Variants in IQCH observed in about 807,000 individuals in gnomAD.
The protein encoded by IQCH is IQ motif containing H.
In IQCH, 98 loss-of-function variants were observed where a neutral mutation model predicts 117.0. The observed-to-expected ratio is 0.84, with a 90% CI of 0.71 to 0.99. The LOEUF is 0.99. IQCH is among the 50% of genes least tolerant of loss of function. The pLI is 0.00. For synonymous variants in IQCH, 412 were observed against 448.2 expected, an observed-to-expected ratio of 0.92 and a Z score of 1.02; for missense variants, 1,102 against 1,243.8, an observed-to-expected ratio of 0.89 and a Z score of 1.72.
chr15:67,263,167 A>T lies in IQCH; in HGVS notation c.220A>T (p.Thr74Ser), dbSNP rs1965528449. 3 of 1,585,754 alleles carry T rather than the reference A, an allele frequency of 1.9e-6. No individual in the cohort carries two copies. Among genetic ancestry groups the T allele is most frequent in the African/African-American group, 2.7e-5 (2 of 74,528 alleles). Residue 74 changes from threonine to serine, a missense_variant, in exon 3 of 21, where the codon ACG (threonine) becomes TCG (serine). By Grantham distance (58) the Thr-to-Ser change is moderately conservative. This residue lies in a region of IQCH where 452 missense variants were observed against 449.6 expected (regional missense o/e 1.01). Transcript: ENST00000335894. ...YLNVVNQNVL[T>S]TSVNDESLYT... ...AAATGTTGTAAACCAGAATGTATTA[A>T]CGACTTCTGTTAATGATGAGAGCTT... is the stretch of plus-strand genomic sequence containing the variant.
In IQCH at chr15:67,346,311, AC is replaced by A. The variant is rs557357625; in HGVS notation, c.637+2129del. 2.9e-3 allele frequency among the ~76,000 whole-genome samples: 436 copies of A among 148,868 alleles called. 2 individuals carry two copies. Among genetic ancestry groups the A allele is most frequent in the South Asian group, 5.8e-3 (27 of 4,642 alleles). ...CTCACAATAATCAATAGAACTAGTAACCCCCCCCCAAAAAAATACTATAGAA... is the reference window on the plus strand; with the variant it reads ...CTCACAATAATCAATAGAACTAGTAACCCCCCCCAAAAAAATACTATAGAA... On this transcript the variant is annotated intron_variant, in intron 6 of 20. Transcript: ENST00000335894.
At chr15:67,293,071 A>T (rs1966804356) in intron 4 of IQCH, among the ~76,000 whole-genome samples, 1 of 152,240 alleles carries the variant, frequency 6.6e-6, no homozygotes, top group Non-Finnish European at 1.5e-5. Flanking sequence ...ATACTTGGGC[A>T]AGTCACTTAA....
Position 67,279,505 on chromosome 15 carries a change from G to A in IQCH, c.380G>A (p.Arg127Lys), listed in dbSNP as rs911820283. 8 of 1,581,794 alleles carry A rather than the reference G, an allele frequency of 5.1e-6. No individual in the cohort carries two copies. The highest frequency in any genetic ancestry group is 6.9e-6 in the Non-Finnish European group (8 of 1,155,838). Residue 127 changes from arginine (R) to lysine (K), a missense_variant, in exon 4 of 21, where the codon AGA becomes AAA. Transcript: ENST00000335894. ...AGTTCATCTCTGCCTGTCTTTCCAA[G>A]AGCAAAGGTAGGTATAGAGAAATTC... ...QHSSSLPVFP[R>K]AKIKVSKLIK... is the part of the protein sequence containing the mutation.
intron 4 of IQCH, among the ~76,000 whole-genome samples, chr15:67,336,255 A>G (rs1214416889): frequency 6.6e-6 from 1 of 151,924 alleles, no homozygotes; most frequent in African/African-American, 2.4e-5. Flanking sequence ...TATAAATACC[A>G]AAGTTGCATT....
In IQCH at chr15:67,408,524, G is replaced by A. The variant is rs1286468821; in HGVS notation, c.2097+8219G>A. 6 of 152,214 alleles carry A rather than the reference G, an allele frequency of 3.9e-5. No individual in the cohort carries two copies. Among genetic ancestry groups the A allele is most frequent in the Non-Finnish European group, 8.8e-5 (6 of 68,046 alleles). The allele number at this position is 152,214 out of a possible 1,614,324, so 9.4% of individuals were successfully genotyped here. On this transcript the variant is annotated intron_variant, in intron 14 of 20. Transcript: ENST00000335894. The surrounding 1 kb of genome is among the most constrained non-coding windows in gnomAD (Gnocchi z 4.2). ...TATAATGCTACTACATCTGCCTCAA[G>A]TGTATGCATCTGTATGTGTGGAAAT... is the stretch of plus-strand genomic sequence containing the variant.
rs1971236834 is a variant in IQCH at position 67,390,108 on chromosome 15, T to TG, written c.1632+1102_1632+1103insG. 1.3e-5 allele frequency among the ~76,000 whole-genome samples: 2 copies of TG among 152,094 alleles called. No individual in the cohort carries two copies. The highest frequency in any genetic ancestry group is 4.8e-5 in the African/African-American group (2 of 41,406). Reference sequence around the variant, plus strand: ...CACTTCTGACTGTGAAAGAGGAAGGTAAGGACAGGGGCTGGGGAAGCAAAA... The same window carrying TG: ...CACTTCTGACTGTGAAAGAGGAAGGTGAAGGACAGGGGCTGGGGAAGCAAAA... On this transcript the variant is annotated intron_variant, in intron 12 of 20. Coordinates refer to ENST00000335894, the MANE Select transcript of IQCH (RefSeq NM_001031715.3). The surrounding 1 kb of genome is among the most constrained non-coding windows in gnomAD (Gnocchi z 5.0).
intron 4 of IQCH, among the ~76,000 whole-genome samples, chr15:67,303,060 CA>C (rs1967129635): frequency 6.6e-6 from 1 of 152,158 alleles, no homozygotes; most frequent in South Asian, 2.1e-4. Flanking sequence ...GGATCATGAA[CA>C]AATCTGTCCA....
intron 6 of IQCH, among the ~76,000 whole-genome samples, chr15:67,354,441 AT>A (rs1248637469): frequency 6.6e-6 from 1 of 152,186 alleles, no homozygotes; most frequent in Non-Finnish European, 1.5e-5. Flanking sequence ...ATAGAAGAGA[AT>A]TTTCTGAACC....
intron 18 of IQCH, among the ~76,000 whole-genome samples, chr15:67,483,003 G>A (rs923351020): frequency 1.3e-5 from 2 of 152,150 alleles, no homozygotes; most frequent in African/African-American, 4.8e-5. Context: ...AAACAGCTTT[G>A]TGTAAGCCTT....
intron 4 of IQCH, among the ~76,000 whole-genome samples, chr15:67,298,764 G>T (rs1330995683): frequency 6.6e-6 from 1 of 152,058 alleles, no homozygotes. Context: ...TACTTGGGAG[G>T]CTGAGGCACA....
At position 67,279,749 on chromosome 15, in the gene IQCH, T is replaced by A. The variant is rs374972743; in HGVS notation, c.387+237T>A. 6.8e-4 allele frequency among the ~76,000 whole-genome samples: 104 copies of A among 152,330 alleles called. 4 individuals are homozygous for A. The East Asian group carries it at 0.012, about 18-fold the overall frequency. ...TGGGTGCAGTGGCTCACGCCTGTAA[T>A]TCCAGCACTTTGGGAGGCCGAGGTG... is the stretch of plus-strand genomic sequence containing the variant. On this transcript the variant is annotated intron_variant, in intron 4 of 20. Transcript: ENST00000335894.
chr15:67,348,845 T>C (rs191645856), intron 6 of IQCH, among the ~76,000 whole-genome samples: 115 of 152,318 alleles, frequency 7.5e-4, no homozygotes, highest in Middle Eastern at 6.8e-3. Flanking sequence ...GGAGGACTCT[T>C]GTTATCTGAG....
At chr15:67,363,811 G>A (rs1026070425) in intron 8 of IQCH, among the ~76,000 whole-genome samples, 12 of 152,078 alleles carry the variant, frequency 7.9e-5, no homozygotes, top group African/African-American at 2.9e-4. Flanking sequence ...GCAGTATTTG[G>A]TTTTCTGTTC....
At chr15:67,429,887 G>A (rs2081982965) in intron 16 of IQCH, among the ~76,000 whole-genome samples, 2 of 152,238 alleles carry the variant, frequency 1.3e-5, no homozygotes, top group South Asian at 4.1e-4. Context: ...CTAAGGAGAT[G>A]AGAATGAGGT....
intron 4 of IQCH, chr15:67,307,232 T>A (rs1967343931): frequency 1.3e-6 from 1 of 757,250 alleles, no homozygotes. Flanking sequence ...AAACTTAGAA[T>A]CTTTTATTTA....
chr15:67,306,711 C>T, intron 4 of IQCH: 1 of 752,782 alleles, frequency 1.3e-6, no homozygotes, highest in Non-Finnish European at 2.3e-6. Flanking sequence ...TCCTGTGACT[C>T]TGTTATGTAA....
At chr15:67,499,250 A>T (rs1288729623) in intron 20 of IQCH, among the ~76,000 whole-genome samples, 1 of 141,486 alleles carries the variant, frequency 7.1e-6, no homozygotes, top group Non-Finnish European at 1.5e-5. Context: ...AGTGAGTCAT[A>T]ATCACACCAC....
chr15:67,439,881 TCC>T (rs1567190223), intron 16 of IQCH, among the ~76,000 whole-genome samples: 13 of 140,620 alleles, frequency 9.2e-5, no homozygotes, highest in Non-Finnish European at 1.5e-5. Context: ...AGAGCAAAAC[TCC>T]GTCTCAAAAA....
chr15:67,348,883 C>T (rs1004077727), intron 6 of IQCH, among the ~76,000 whole-genome samples: 2 of 152,068 alleles, frequency 1.3e-5, no homozygotes, highest in African/African-American at 2.4e-5. Context: ...TAATCAGGAC[C>T]GTGTGGTATT....
Sources: allele counts gnomAD v4.1 joint callset (sites outside exome capture counted in the v4.1 genomes callset), GRCh38; gene constraint gnomAD v4.1.1; regional missense constraint gnomAD v4.1.1; non-coding constraint Gnocchi (gnomAD v3.1); transcripts MANE v1.5; gene names NCBI Gene and HGNC (gene_info 2026-07-23, HGNC 2026-07-21).